Variants in TRANK1 observed in about 807,000 individuals in gnomAD.
TRANK1 encodes the protein tetratricopeptide repeat and ankyrin repeat containing 1, also known as TPR and ankyrin repeat-containing protein 1.
A neutral mutation model predicts 266.0 loss-of-function variants in TRANK1; 198 were observed. The ratio of observed to expected loss-of-function variants is 0.74; its 90% CI spans 0.66 to 0.84. The LOEUF (loss-of-function observed/expected upper bound fraction) is 0.84. TRANK1 is among the 40% of genes least tolerant of loss of function. The pLI is 0.00. For synonymous variants in TRANK1, 1,396 were observed against 1,384.1 expected, an observed-to-expected ratio of 1.01 and a Z score of -0.19; for missense variants, 3,326 against 3,634.6, an observed-to-expected ratio of 0.92 and a Z score of 2.18.
intron 8 of TRANK1, among the ~76,000 whole-genome samples, chr3:36,884,715 G>T (rs544301799): frequency 5.9e-5 from 9 of 152,166 alleles, no homozygotes; most frequent in African/African-American, 2.2e-4. Flanking sequence ...GGTGAATCAC[G>T]TGAGGCCAAG....
chr3:36,874,032 A>G (rs1333215696), intron 9 of TRANK1, 94 bp downstream of exon 9: 1 of 1,128,582 alleles, frequency 8.9e-7, no homozygotes, highest in Admixed American at 2.8e-5. Flanking sequence ...GTGTGTGTAT[A>G]TATATATATA....
chr3:36,939,667 C>T (rs1481363574), intron 1 of TRANK1, among the ~76,000 whole-genome samples: 2 of 152,182 alleles, frequency 1.3e-5, no homozygotes, highest in Non-Finnish European at 2.9e-5. Context: ...GTACCAGGTA[C>T]TCTGTCTGCC....
intron 17 of TRANK1, 83 bp downstream of exon 17, chr3:36,846,162 TACC>T: frequency 7.5e-7 from 1 of 1,326,230 alleles, no homozygotes; most frequent in African/African-American, 1.5e-5. Context: ...ACTTTCAAAA[TACC>T]ACACCTTTTA....
intron 22 of TRANK1, 146 bp from the exon 23 acceptor site, chr3:36,829,808 A>C: frequency 1.3e-6 from 1 of 755,506 alleles, no homozygotes; most frequent in East Asian, 2.7e-5. Flanking sequence ...TAAGGGACCC[A>C]AAGCTGCCTT....
chr3:36,869,008 CT>C (rs2125565775), intron 9 of TRANK1, among the ~76,000 whole-genome samples: 1 of 152,356 alleles, frequency 6.6e-6, no homozygotes, highest in South Asian at 2.1e-4. Context: ...AAGGAAAGAG[CT>C]GAGCAGCAAC....
At chr3:36,923,380 C>T (rs1033856449) in intron 1 of TRANK1, among the ~76,000 whole-genome samples, 4 of 151,980 alleles carry the variant, frequency 2.6e-5, no homozygotes, top group Non-Finnish European at 4.4e-5. Flanking sequence ...CTCAGCCTCC[C>T]GAGTGGCTGG....
At chr3:36,932,059 G>A in intron 1 of TRANK1, among the ~76,000 whole-genome samples, 1 of 152,322 alleles carries the variant, frequency 6.6e-6, no homozygotes, top group South Asian at 2.1e-4. Context: ...ATTCAAAAGA[G>A]CTTTAGTGCA....
rs377045305 is a variant in TRANK1 at position 36,856,010 on chromosome 3, C to T, written c.3712G>A (p.Glu1238Lys). 1.5e-4 allele frequency: 237 copies of T among 1,613,608 alleles called. 1 individual carries two copies. Among genetic ancestry groups the T allele is most frequent in the Non-Finnish European group, 1.9e-4 (220 of 1,179,870 alleles). ...GAAGTGACAAACAGAGGAAAGTTCT[C>T]GTCCCTCAGGTCCTGGAGTTTGTGA... ...NIHKLQDLRD[E>K]NFPLFVTSKQ... The change falls in exon 13 of 24, where the codon GAG (glutamate) becomes AAG (lysine). Residue 1238 changes from glutamate to lysine, a missense_variant. Physicochemically the swap from Glu to Lys is moderately conservative, Grantham distance 56. Coordinates refer to ENST00000645898, the MANE Select transcript of TRANK1 (RefSeq NM_001329998.2).
At chr3:36,873,870 T>A (rs2079345813) in intron 9 of TRANK1, among the ~76,000 whole-genome samples, 2 of 143,754 alleles carry the variant, frequency 1.4e-5, no homozygotes, top group African/African-American at 5.1e-5. Context: ...AAAAAAAAAA[T>A]CACCCACACT....
chr3:36,900,111 G>A (rs756277074), intron 3 of TRANK1, among the ~76,000 whole-genome samples: 5 of 152,058 alleles, frequency 3.3e-5, no homozygotes, highest in African/African-American at 4.8e-5. Context: ...TTCCTGCCTC[G>A]GCCTCCCAAA....
intron 8 of TRANK1, among the ~76,000 whole-genome samples, chr3:36,888,941 G>A (rs2079647166): frequency 6.6e-6 from 1 of 152,168 alleles, no homozygotes; most frequent in South Asian, 2.1e-4. Flanking sequence ...CTACTCAGGA[G>A]AGGCTGAGGC....
chr3:36,851,510 G>C, intron 15 of TRANK1: 2 of 1,248,436 alleles, frequency 1.6e-6, no homozygotes, highest in Non-Finnish European at 2.1e-6. Context: ...GGGGGAACTA[G>C]CCCATGACAC....
intron 1 of TRANK1, among the ~76,000 whole-genome samples, chr3:36,943,234 G>C (rs2080521860): frequency 6.6e-6 from 1 of 152,092 alleles, no homozygotes; most frequent in African/African-American, 2.4e-5. Context: ...ATATCATTGT[G>C]CCTCACCCTG....
At chr3:36,898,190 C>T (rs560979554) in intron 4 of TRANK1, among the ~76,000 whole-genome samples, 61 of 152,330 alleles carry the variant, frequency 4.0e-4, no homozygotes, top group Non-Finnish European at 5.4e-4. Context: ...TGGTGGCTTA[C>T]GCCTGTAATC....
intron 23 of TRANK1, among the ~76,000 whole-genome samples, chr3:36,828,782 GTATACCAAT>G (rs2078659422): frequency 1.3e-5 from 2 of 152,094 alleles, no homozygotes; most frequent in African/African-American, 4.8e-5. Flanking sequence ...ACTTGAATTG[GTATACCAAT>G]TCTCTTCCCT....
chr3:36,853,232 A>T (rs1455152256), intron 13 of TRANK1, among the ~76,000 whole-genome samples: 1 of 152,254 alleles, frequency 6.6e-6, no homozygotes, highest in Admixed American at 6.5e-5. Context: ...AGGAACTCTG[A>T]GGTCTGAGAA....
chr3:36,919,096 T>A lies in TRANK1; in HGVS notation c.24-10642A>T, dbSNP rs557373233. 3.9e-5 allele frequency among the ~76,000 whole-genome samples: 6 copies of A among 152,338 alleles called. No homozygotes were observed. In the East Asian group the frequency reaches 1.2e-3, roughly 29 times the overall value. On this transcript the variant is annotated intron_variant, in intron 1 of 23. Transcript: ENST00000645898. ...TTACTGTGCAATATTAACAAAGACG[T>A]ACAGTAGAGGTCTGTCATATCCCAT...
chr3:36,849,213 C>T (rs934819883), intron 15 of TRANK1, among the ~76,000 whole-genome samples: 2 of 152,124 alleles, frequency 1.3e-5, no homozygotes, highest in Non-Finnish European at 2.9e-5. Context: ...TTCACAGTCC[C>T]TTCTGTCCCA....
intron 1 of TRANK1, among the ~76,000 whole-genome samples, chr3:36,943,316 A>G (rs760870851): frequency 1.2e-4 from 19 of 152,186 alleles, no homozygotes; most frequent in Non-Finnish European, 2.2e-4. Flanking sequence ...GTATATATGT[A>G]TATATAATAT....
Sources: allele counts gnomAD v4.1 joint callset (sites outside exome capture counted in the v4.1 genomes callset), GRCh38; gene constraint gnomAD v4.1.1; transcripts MANE v1.5; gene names NCBI Gene and HGNC (gene_info 2026-07-23, HGNC 2026-07-21).